Variants in LNX1 observed in about 807,000 individuals in gnomAD.
LNX1 encodes E3 ubiquitin-protein ligase LNX.
A neutral mutation model predicts 68.4 loss-of-function variants in LNX1; 54 were observed. That is an observed-to-expected ratio of 0.79 (90% CI 0.63 to 0.99). LNX1 has a LOEUF of 0.99. Ranked by LOEUF, LNX1 falls within the 50% of genes least tolerant of loss-of-function variation. LNX1 has a pLI of 0.00. For synonymous variants in LNX1, 336 were observed against 350.0 expected, an observed-to-expected ratio of 0.96 and a Z score of 0.45; for missense variants, 906 against 926.4, an observed-to-expected ratio of 0.98 and a Z score of 0.29.
At chr4:53,467,865 T>C (rs911436746) in intron 9 of LNX1, among the ~76,000 whole-genome samples, 5 of 152,210 alleles carry the variant, frequency 3.3e-5, no homozygotes, top group African/African-American at 1.2e-4. Flanking sequence ...CTATGTCTGA[T>C]TGGTGTACCT....
intron 4 of LNX1, among the ~76,000 whole-genome samples, chr4:53,505,224 G>A (rs1176987776): frequency 2.0e-5 from 3 of 151,210 alleles, no homozygotes; most frequent in Admixed American, 2.0e-4. Flanking sequence ...TTTTATAAAT[G>A]TTTTTGTAAT....
At chr4:53,631,928 AT>A (rs1482478362) in intron 1 of LNX1, among the ~76,000 whole-genome samples, 1 of 152,062 alleles carries the variant, frequency 6.6e-6, no homozygotes, top group Non-Finnish European at 1.5e-5. Flanking sequence ...ATGTTTGAAA[AT>A]TTTAAGTAAA....
intron 2 of LNX1, among the ~76,000 whole-genome samples, chr4:53,532,975 C>T (rs1728121698): frequency 6.6e-6 from 1 of 152,154 alleles, no homozygotes; most frequent in Non-Finnish European, 1.5e-5. Context: ...TCAGGGGAGC[C>T]CATATATTGT....
intron 2 of LNX1, among the ~76,000 whole-genome samples, chr4:53,541,093 C>T (rs1035099860): frequency 3.5e-4 from 53 of 149,782 alleles, no homozygotes; most frequent in East Asian, 1.4e-3. Context: ...GCCGAGACCA[C>T]GCCACTGCAC....
intron 9 of LNX1, among the ~76,000 whole-genome samples, chr4:53,469,038 T>C (rs545956572): frequency 6.6e-6 from 1 of 152,284 alleles, no homozygotes; most frequent in Admixed American, 6.5e-5. Context: ...AGAATATACA[T>C]TCTTTCCAGC....
chr4:53,629,514 T>C (rs1734192268), intron 1 of LNX1, among the ~76,000 whole-genome samples: 1 of 152,182 alleles, frequency 6.6e-6, no homozygotes, highest in African/African-American at 2.4e-5. Flanking sequence ...GAAAGTATGT[T>C]GTAAAAGATG....
chr4:53,488,031 G>C (rs1397793554), intron 6 of LNX1, among the ~76,000 whole-genome samples: 1 of 152,124 alleles, frequency 6.6e-6, no homozygotes, highest in African/African-American at 2.4e-5. Context: ...AATTGTGAAG[G>C]CACTGGTTCC....
intron 2 of LNX1, among the ~76,000 whole-genome samples, chr4:53,551,413 G>A (rs780881155): frequency 6.6e-6 from 1 of 152,184 alleles, no homozygotes; most frequent in Admixed American, 6.5e-5. Context: ...CTGGTGATCA[G>A]CTTCCTAGTA....
At chr4:53,642,464 C>T (rs1034878398) in intron 1 of LNX1, among the ~76,000 whole-genome samples, 15 of 152,134 alleles carry the variant, frequency 9.9e-5, no homozygotes, top group African/African-American at 3.6e-4. Flanking sequence ...GTCTCCTGGC[C>T]ATTGACCACT....
chr4:53,637,147 C>T (rs534611933), intron 1 of LNX1, among the ~76,000 whole-genome samples: 5 of 152,160 alleles, frequency 3.3e-5, no homozygotes, highest in Non-Finnish European at 7.4e-5. Flanking sequence ...AAAAAAATCT[C>T]ATAAGTATAA....
At chr4:53,514,450 G>A (rs1179697835) in intron 2 of LNX1, among the ~76,000 whole-genome samples, 2 of 152,162 alleles carry the variant, frequency 1.3e-5, no homozygotes, top group Non-Finnish European at 2.9e-5. Context: ...AGAAGATGAG[G>A]AGGAGCAAAG....
At chr4:53,472,312 G>A (rs1193719956) in intron 9 of LNX1, among the ~76,000 whole-genome samples, 2 of 151,846 alleles carry the variant, frequency 1.3e-5, no homozygotes, top group Non-Finnish European at 2.9e-5. Context: ...ACAGCAAGGG[G>A]AACATCACAC....
At chr4:53,631,973 A>C (rs922079452) in intron 1 of LNX1, among the ~76,000 whole-genome samples, 41 of 152,156 alleles carry the variant, frequency 2.7e-4, no homozygotes, top group African/African-American at 9.9e-4. Context: ...AGGAGAGTGG[A>C]GAAAGAGTTG....
chr4:53,621,469 A>G (rs986794484), upstream of LNX1, among the ~76,000 whole-genome samples: 2 of 152,126 alleles, frequency 1.3e-5, no homozygotes, highest in Non-Finnish European at 2.9e-5. Context: ...CTTGCATATA[A>G]TGGGTGCTCG....
Position 53,461,422 on chromosome 4 carries a change from T to G in LNX1, c.2051+13A>C. Reference sequence around the variant, plus strand: ...ATTTAATACAAGTATTTTTGATTAGTCATTATTATTACCTAATTCTTCCAT... The same window carrying G: ...ATTTAATACAAGTATTTTTGATTAGGCATTATTATTACCTAATTCTTCCAT... On this transcript the variant is annotated intron_variant, in intron 10 of 10. Transcript: ENST00000263925. The G allele has an allele frequency of 6.3e-7, 1 of 1,587,302 alleles. No homozygotes were observed. Among genetic ancestry groups the G allele is most frequent in the Non-Finnish European group, 8.6e-7 (1 of 1,162,256 alleles).
intron 1 of LNX1, among the ~76,000 whole-genome samples, chr4:53,591,175 G>A (rs1479073376): frequency 6.6e-6 from 1 of 152,130 alleles, no homozygotes. Context: ...GAAACAAAAA[G>A]GATTAAATAT....
chr4:53,523,900 T>A (rs1727425865), intron 2 of LNX1, among the ~76,000 whole-genome samples: 1 of 152,234 alleles, frequency 6.6e-6, no homozygotes, highest in African/African-American at 2.4e-5. Flanking sequence ...TGGTTATTTA[T>A]AGTCATGGAA....
intron 6 of LNX1, among the ~76,000 whole-genome samples, chr4:53,490,233 T>C (rs1724587454): frequency 6.6e-6 from 1 of 152,184 alleles, no homozygotes; most frequent in Non-Finnish European, 1.5e-5. Flanking sequence ...CTGCATCAAG[T>C]CTGGAATTGC....
chr4:53,584,038 G>A (rs1459141411), intron 1 of LNX1, among the ~76,000 whole-genome samples: 2 of 152,250 alleles, frequency 1.3e-5, no homozygotes, highest in Admixed American at 6.5e-5. Context: ...GAGTCACCAA[G>A]GATCCCGGGA....
Sources: allele counts gnomAD v4.1 joint callset (sites outside exome capture counted in the v4.1 genomes callset), GRCh38; gene constraint gnomAD v4.1.1; transcripts MANE v1.5; gene names NCBI Gene and HGNC (gene_info 2026-07-23, HGNC 2026-07-21).